FYCO1: variants seen among roughly 807,000 people sequenced by gnomAD.
FYCO1 encodes the protein FYVE and coiled-coil domain-containing protein 1.
A neutral mutation model predicts 165.1 loss-of-function variants in FYCO1; 122 were observed. The observed-to-expected ratio is 0.74, with a 90% CI of 0.64 to 0.86. FYCO1 has a LOEUF of 0.86. Ranked by LOEUF, FYCO1 falls within the 40% of genes least tolerant of loss-of-function variation. The pLI, the probability that FYCO1 is intolerant of heterozygous loss-of-function variation, is 0.00. For missense variants in FYCO1, 1,702 were observed against 1,810.3 expected (o/e 0.94, Z 1.09); for synonymous variants, 648 against 742.5 (o/e 0.87, Z 2.07).
intron 1 of FYCO1, among the ~76,000 whole-genome samples, chr3:45,989,000 A>C (rs1481237462): frequency 6.6e-6 from 1 of 152,224 alleles, no homozygotes; most frequent in African/African-American, 2.4e-5. Context: ...CTATGGTCCA[A>C]GTGACTAATA....
intron 14 of FYCO1, chr3:45,947,372 G>T: frequency 1.2e-6 from 2 of 1,614,224 alleles, no homozygotes; most frequent in East Asian, 2.2e-5. Flanking sequence ...AGTTTCGAAA[G>T]AACTTCTGGA....
intron 12 of FYCO1, among the ~76,000 whole-genome samples, chr3:45,959,165 C>T (rs760629463): frequency 6.6e-6 from 1 of 152,332 alleles, no homozygotes; most frequent in South Asian, 2.1e-4. Flanking sequence ...CCCCTAACTC[C>T]ATCCACATCT....
rs1703106050 is a variant in FYCO1 at position 45,921,824 on chromosome 3, C to T, written c.4378G>A (p.Val1460Ile). 6.2e-7 allele frequency: 1 copy of T among 1,611,722 alleles called. No homozygotes were observed. Among genetic ancestry groups the T allele is most frequent in the African/African-American group, 1.3e-5 (1 of 74,998 alleles). ...NTFSRFVSKKVFYHLTVDRPV... is the reference protein window; with the variant it reads ...NTFSRFVSKKIFYHLTVDRPV... ...CGATCAACCGTCAAGTGATAAAATA[C>T]CTTTTTAGAGACAAACCTGAGGAAA... The change falls in exon 18 of 18, where the codon GTA (valine) becomes ATA (isoleucine). Residue 1460 changes from valine (V) to isoleucine (I), a missense_variant. Val to Ile is a conservative substitution (Grantham distance 29). Transcript: ENST00000296137.
At chr3:45,938,310 A>G in intron 14 of FYCO1, 1 of 1,072,264 alleles carries the variant, frequency 9.3e-7, no homozygotes, top group South Asian at 1.3e-5. Flanking sequence ...CAAAGGTGAC[A>G]ATTAGGGCAG....
chr3:45,957,303 C>T (rs762975762), intron 13 of FYCO1, among the ~76,000 whole-genome samples: 2 of 152,164 alleles, frequency 1.3e-5, no homozygotes, highest in Non-Finnish European at 2.9e-5. Flanking sequence ...AACTTCTAAG[C>T]GACAACAGAA....
chr3:45,963,832 CAG>C (rs1028539424), intron 10 of FYCO1, among the ~76,000 whole-genome samples: 9 of 152,160 alleles, frequency 5.9e-5, no homozygotes, highest in African/African-American at 2.2e-4. Flanking sequence ...GATATGGCAT[CAG>C]AGTCTGCACA....
rs1575385212 is a variant in FYCO1 at position 45,981,591 on chromosome 3, A to G, written c.141T>C (p.Tyr47=). 6.2e-7 allele frequency: 1 copy of G among 1,611,792 alleles called. No homozygotes were observed. Among genetic ancestry groups the G allele is most frequent in the Non-Finnish European group, 8.5e-7 (1 of 1,177,844 alleles). ...TTACTTGCAGGAGATACTCAAGTTT[A>G]TAAGAAAATTTATGCAAGCTGGTGC... is the stretch of plus-strand genomic sequence containing the variant. ...DDSTSLHKFS[Y]KLEYLLQFDQ... Residue 47 remains tyrosine, a synonymous_variant, in exon 3 of 18, where the codon TAT becomes TAC. Transcript: ENST00000296137.
intron 3 of FYCO1, among the ~76,000 whole-genome samples, chr3:45,980,283 A>G (rs1706979837): frequency 6.6e-6 from 1 of 152,008 alleles, no homozygotes; most frequent in South Asian, 2.1e-4. Context: ...CAGGAGGCAG[A>G]GGTAGCAGTG....
intron 16 of FYCO1, among the ~76,000 whole-genome samples, chr3:45,927,674 C>G (rs931848653): frequency 6.6e-6 from 1 of 152,214 alleles, no homozygotes; most frequent in Non-Finnish European, 1.5e-5. Context: ...CTATCACATT[C>G]TAGTTCCACC....
chr3:45,988,290 G>A (rs536157291), intron 1 of FYCO1, among the ~76,000 whole-genome samples: 2 of 152,116 alleles, frequency 1.3e-5, no homozygotes, highest in Admixed American at 1.3e-4. Flanking sequence ...CCTCCGTCTC[G>A]GTCTGAGGTC....
At chr3:45,942,465 T>C (rs750922569) in intron 14 of FYCO1, among the ~76,000 whole-genome samples, 2 of 152,128 alleles carry the variant, frequency 1.3e-5, no homozygotes, top group Non-Finnish European at 2.9e-5. Context: ...GCCTAGCAGG[T>C]GGGAGAGAGC....
intron 5 of FYCO1, among the ~76,000 whole-genome samples, chr3:45,974,965 T>C (rs1466324566): frequency 1.3e-5 from 2 of 152,160 alleles, no homozygotes; most frequent in African/African-American, 2.4e-5. Context: ...GGAAAATGCC[T>C]GGTATCGGGA....
At chr3:45,932,899 A>T (rs1204714272) in intron 15 of FYCO1, among the ~76,000 whole-genome samples, 1 of 152,196 alleles carries the variant, frequency 6.6e-6, no homozygotes, top group African/African-American at 2.4e-5. Flanking sequence ...TCTTTCTTGT[A>T]ATGTGGAAAT....
At chr3:45,982,899 A>C (rs1707125641) in intron 2 of FYCO1, among the ~76,000 whole-genome samples, 1 of 152,204 alleles carries the variant, frequency 6.6e-6, no homozygotes, top group Non-Finnish European at 1.5e-5. Flanking sequence ...CCAGTGAGCC[A>C]GGGGCCTGGG....
At chr3:45,977,350 A>AATATATATATATAT (rs57543574) in intron 4 of FYCO1, among the ~76,000 whole-genome samples, 2 of 112,668 alleles carry the variant, frequency 1.8e-5, no homozygotes, top group African/African-American at 8.2e-5. Flanking sequence ...AACTGAATTA[A>AATATATATATATAT]ATATATATAT....
intron 16 of FYCO1, among the ~76,000 whole-genome samples, chr3:45,927,174 C>T (rs887896218): frequency 1.3e-5 from 2 of 152,126 alleles, no homozygotes; most frequent in Non-Finnish European, 2.9e-5. Flanking sequence ...TTGTTTTTAG[C>T]TCATCAGCTA....
Position 45,964,923 on chromosome 3 carries a change from G to T in FYCO1, c.3150+110C>A. Reference sequence around the variant, plus strand: ...AGGGTGTCTACAAAGGTGAACTGAGGACGGCTTCAGCTTGGGAATCTGGAG... The same window carrying T: ...AGGGTGTCTACAAAGGTGAACTGAGTACGGCTTCAGCTTGGGAATCTGGAG... On this transcript the variant is annotated intron_variant, in intron 9 of 17. Coordinates refer to ENST00000296137, the MANE Select transcript of FYCO1 (RefSeq NM_024513.4). This position sits in a 1 kb window ranked among gnomAD's most constrained non-coding sequence, Gnocchi z 4.1. 1.2e-6 allele frequency: 1 copy of T among 858,614 alleles called. No individual in the cohort carries two copies. The highest frequency in any genetic ancestry group is 1.4e-5 in the South Asian group (1 of 70,510). 53.2% of individuals were successfully genotyped at this position (858,614 alleles called of 1,614,324 possible).
chr3:45,951,867 C>T (rs916480358), intron 14 of FYCO1, among the ~76,000 whole-genome samples: 15 of 152,138 alleles, frequency 9.9e-5, no homozygotes, highest in Admixed American at 9.8e-4. Flanking sequence ...CCCATCTCTG[C>T]CAGGAGGAGG....
intron 1 of FYCO1, among the ~76,000 whole-genome samples, chr3:45,992,651 A>G: frequency 6.6e-6 from 1 of 152,092 alleles, no homozygotes; most frequent in East Asian, 1.9e-4. Context: ...TGAGAGGTAA[A>G]CTTCCTTCAT....
Sources: gnomAD v4.1 joint callset for allele counts (sites outside exome capture counted in the v4.1 genomes callset) on GRCh38, gnomAD v4.1.1 for gene constraint, Gnocchi (gnomAD v3.1) non-coding constraint, MANE v1.5 for transcripts, NCBI Gene and HGNC (gene_info 2026-07-23, HGNC 2026-07-21) for gene names.